Variants in ANK3 observed in about 807,000 individuals in gnomAD.
ANK3 encodes the protein ankyrin 3.
ANK3 carries 57 observed loss-of-function variants against 370.9 expected under a neutral mutation model. The ratio of observed to expected loss-of-function variants is 0.15; its 90% CI spans 0.12 to 0.19. The LOEUF (loss-of-function observed/expected upper bound fraction) is 0.19, where lower values mean the gene tolerates loss of function less well. Ranked by LOEUF, ANK3 falls within the 10% of genes least tolerant of loss-of-function variation. The pLI, the probability that ANK3 is intolerant of heterozygous loss-of-function variation, is 1.00. For synonymous variants in ANK3, 1,929 were observed against 1,946.3 expected, an observed-to-expected ratio of 0.99 and a Z score of 0.23; for missense variants, 4,439 against 5,302.1, an observed-to-expected ratio of 0.84 and a Z score of 5.06.
chr10:60,389,263 C>T (rs960901747), intron 1 of ANK3, among the ~76,000 whole-genome samples, 162 bp downstream of exon 1: 1 of 152,144 alleles, frequency 6.6e-6, no homozygotes, highest in Non-Finnish European at 1.5e-5. Context: ...CATCCTATGG[C>T]CATGTTCTGC....
At chr10:60,082,437 T>C (rs1414832778) in intron 34 of ANK3, 178 bp downstream of exon 34, 6 of 877,116 alleles carry the variant, frequency 6.8e-6, no homozygotes, top group Middle Eastern at 2.4e-4. Context: ...GACTCCATCA[T>C]ACAAACTATA....
chr10:60,547,390 CCTTTTCTTTTTT>C (rs1291280165), intron 2 of ANK3, among the ~76,000 whole-genome samples: 1 of 151,796 alleles, frequency 6.6e-6, no homozygotes, highest in East Asian at 1.9e-4. Flanking sequence ...CGCTCCCGGT[CCTTTTCTTTTTT>C]CTTTTCTTTG....
intron 23 of ANK3, among the ~76,000 whole-genome samples, chr10:60,156,687 C>T (rs182769641): frequency 6.6e-6 from 1 of 152,200 alleles, no homozygotes; most frequent in Non-Finnish European, 1.5e-5. Context: ...AGCTGTGTAT[C>T]AAGGAGTCTG....
At position 60,344,834 on chromosome 10, in the gene ANK3, G is replaced by T. The variant is rs543408543; in HGVS notation, c.114+44591C>A. On this transcript the variant is annotated intron_variant, in intron 1 of 43. Coordinates refer to ENST00000280772, the MANE Select transcript of ANK3 (RefSeq NM_020987.5). Reference sequence around the variant, plus strand: ...ATCAATCAAATTCACTCTGTGATCTGCAAATTCAAATGAAATATTTGGTTA... The same window carrying T: ...ATCAATCAAATTCACTCTGTGATCTTCAAATTCAAATGAAATATTTGGTTA... Among the ~76,000 whole-genome samples, 24 of 152,302 alleles carry T rather than the reference G, an allele frequency of 1.6e-4. No individual in the cohort carries two copies. The East Asian group carries it at 4.6e-3, about 29-fold the overall frequency.
At chr10:60,266,962 G>A (rs772190003) in intron 5 of ANK3, among the ~76,000 whole-genome samples, 5 of 152,106 alleles carry the variant, frequency 3.3e-5, no homozygotes, top group Non-Finnish European at 5.9e-5. Flanking sequence ...CTTCAGAATC[G>A]TAATTAGCAA....
At chr10:60,163,243 A>T (rs1054680704) in intron 23 of ANK3, among the ~76,000 whole-genome samples, 1 of 152,206 alleles carries the variant, frequency 6.6e-6, no homozygotes, top group Admixed American at 6.6e-5. Context: ...TACGTATATT[A>T]AAGTTTTATG....
chr10:60,591,669 A>G (rs2077916554), intron 2 of ANK3, among the ~76,000 whole-genome samples: 1 of 152,226 alleles, frequency 6.6e-6, no homozygotes, highest in South Asian at 2.1e-4. Flanking sequence ...ATTTGGAAGC[A>G]ACCTAAGTAT....
chr10:60,291,129 G>T (rs770553296), intron 1 of ANK3, among the ~76,000 whole-genome samples: 2 of 152,068 alleles, frequency 1.3e-5, no homozygotes. Context: ...CACATGTCAG[G>T]TGCTGGTGGG....
chr10:60,439,317 A>G (rs774637410), intron 2 of ANK3, among the ~76,000 whole-genome samples: 3 of 152,132 alleles, frequency 2.0e-5, no homozygotes, highest in Admixed American at 6.6e-5. Flanking sequence ...ATTGCATTAA[A>G]CAGAATCCTG....
At chr10:60,518,774 G>A (rs763217528) in intron 2 of ANK3, among the ~76,000 whole-genome samples, 5 of 150,296 alleles carry the variant, frequency 3.3e-5, no homozygotes, top group Non-Finnish European at 7.4e-5. Flanking sequence ...ACTACCAAGG[G>A]CTTGAATACA....
intron 25 of ANK3, among the ~76,000 whole-genome samples, chr10:60,115,025 A>G (rs2092989747): frequency 6.6e-6 from 1 of 152,196 alleles, no homozygotes; most frequent in African/African-American, 2.4e-5. Context: ...GGCCTCAAGC[A>G]TGCTACAGTT....
At chr10:60,165,544 A>G (rs975539892) in intron 23 of ANK3, among the ~76,000 whole-genome samples, 5 of 152,196 alleles carry the variant, frequency 3.3e-5, no homozygotes, top group African/African-American at 9.6e-5. Context: ...CCTGGCCACA[A>G]TGCATTATAG....
rs113423132 is a variant in ANK3, at chr10:60,265,904, G to A, written c.514-1884C>T. On this transcript the variant is annotated intron_variant, in intron 5 of 43. Coordinates refer to ENST00000280772, the MANE Select transcript of ANK3 (RefSeq NM_020987.5). ...GCCAGTGTCTGTACTGATTATGCAC[G>A]TACAGACTTCACTCTCCTCTGACAC... 7.4e-3 allele frequency among the ~76,000 whole-genome samples: 1,126 copies of A among 152,168 alleles called. 15 individuals carry two copies. The highest frequency in any genetic ancestry group is 0.026 in the African/African-American group (1,060 of 41,524).
chr10:60,500,216 C>T (rs1312955533), intron 2 of ANK3, among the ~76,000 whole-genome samples: 2 of 152,102 alleles, frequency 1.3e-5, no homozygotes, highest in South Asian at 2.1e-4. Flanking sequence ...TCTTCCCATG[C>T]CCATTCCCCA....
At chr10:60,673,080 G>A (rs1000739918) in intron 1 of ANK3, among the ~76,000 whole-genome samples, 5 of 151,326 alleles carry the variant, frequency 3.3e-5, no homozygotes, top group Non-Finnish European at 5.9e-5. Context: ...ATGTAGATGA[G>A]GACCATCTAT....
intron 2 of ANK3, among the ~76,000 whole-genome samples, chr10:60,597,351 C>G (rs2078002121): frequency 6.6e-6 from 1 of 152,136 alleles, no homozygotes; most frequent in Non-Finnish European, 1.5e-5. Context: ...ATGAATGTAG[C>G]TTATGGGATT....
At chr10:60,701,241 A>G (rs567217998) in intron 1 of ANK3, among the ~76,000 whole-genome samples, 3 of 152,252 alleles carry the variant, frequency 2.0e-5, no homozygotes, top group East Asian at 3.9e-4. Context: ...CTGATGACAT[A>G]TTCTGGGCAA....
chr10:60,305,218 T>C (rs1379102140), intron 1 of ANK3, among the ~76,000 whole-genome samples: 2 of 152,130 alleles, frequency 1.3e-5, no homozygotes, highest in African/African-American at 2.4e-5. Context: ...TTTGTTCTGA[T>C]GAAAATTGCT....
intron 2 of ANK3, among the ~76,000 whole-genome samples, chr10:60,530,453 C>CAA (rs5785453): frequency 0.21 from 31,034 of 145,252 alleles, 3,920 homozygotes; most frequent in East Asian, 0.46. Context: ...TAATCTTCAC[C>CAA]AAAAAAAAAA....
Sources: gnomAD v4.1 joint callset for allele counts (sites outside exome capture counted in the v4.1 genomes callset) on GRCh38, gnomAD v4.1.1 for gene constraint, MANE v1.5 for transcripts, NCBI Gene and HGNC (gene_info 2026-07-23, HGNC 2026-07-21) for gene names.